CEP164: variants seen among roughly 807,000 people sequenced by gnomAD.
CEP164 encodes the protein centrosomal protein of 164 kDa.
Under a neutral mutation model 182.7 loss-of-function variants are expected in CEP164, and 162 were observed. The observed-to-expected ratio is 0.89, with a 90% CI of 0.78 to 1.01. The LOEUF is 1.01. CEP164 is among the 50% of genes least tolerant of loss of function. The pLI is 0.00. For synonymous variants in CEP164, 661 were observed against 690.0 expected (o/e 0.96, Z 0.66); for missense variants, 1,735 against 1,790.4 (o/e 0.97, Z 0.56).
chr11:117,412,956 A>G lies in CEP164; in HGVS notation c.*788A>G, dbSNP rs2047496813. 1 of 152,208 alleles carries G rather than the reference A, an allele frequency of 6.6e-6. No individual in the cohort carries two copies. Among genetic ancestry groups the G allele is most frequent in the Non-Finnish European group, 1.5e-5 (1 of 68,050 alleles). The allele number at this position is 152,208 out of a possible 1,614,324, so 9.4% of individuals were successfully genotyped here. ...AAGACTGGGTTGGCTTCTGGTCCTC[A>G]TGATGGCTTTTATCCTCCTGGGACA... On this transcript the variant is annotated 3_prime_UTR_variant, in exon 33 of 33. Transcript: ENST00000278935.
intron 27 of CEP164, among the ~76,000 whole-genome samples, chr11:117,397,959 T>C (rs1428916439): frequency 6.6e-6 from 1 of 152,122 alleles, no homozygotes; most frequent in Non-Finnish European, 1.5e-5. Context: ...CTTAACTCAT[T>C]TCAGCATTAA....
intron 27 of CEP164, among the ~76,000 whole-genome samples, chr11:117,405,024 C>T (rs1592472544): frequency 6.6e-6 from 1 of 152,132 alleles, no homozygotes; most frequent in East Asian, 1.9e-4. Flanking sequence ...CTCGGGCATC[C>T]CAGGTCTACT....
rs201189268 is a variant in CEP164 at position 117,363,437 on chromosome 11, C to T, written c.696C>T (p.His232=). 277 of 1,613,362 alleles carry T rather than the reference C, an allele frequency of 1.7e-4. No homozygotes were observed. Among genetic ancestry groups the T allele is most frequent in the Non-Finnish European group, 2.2e-4 (261 of 1,179,420 alleles). ...DEEESDNQSV[H]SSSEPLRNLH... ...ATCATTTTTGTTTCTAGAGTGTCCA[C>T]AGCTCAAGTGAGCCTCTTAGGAACC... The change falls in exon 8 of 33, where the codon CAC becomes CAT. Residue 232 remains histidine (H), a synonymous_variant. Transcript: ENST00000278935.
chr11:117,352,140 C>T (rs2039717551), intron 5 of CEP164, 152 bp downstream of exon 5: 1 of 692,768 alleles, frequency 1.4e-6, no homozygotes, highest in African/African-American at 1.8e-5. Flanking sequence ...TGCCTGTCTT[C>T]TGGTTGATTT....
Position 117,396,092 on chromosome 11 carries a change from T to TG in CEP164, c.3129dup (p.Arg1044GlufsTer6). 1 of 1,613,926 alleles carries TG rather than the reference T, an allele frequency of 6.2e-7. No individual in the cohort carries two copies. Among genetic ancestry groups the TG allele is most frequent in the Non-Finnish European group, 8.5e-7 (1 of 1,179,872 alleles). On this transcript the variant is annotated frameshift_variant, in exon 25 of 33. Coordinates refer to ENST00000278935, the MANE Select transcript of CEP164 (RefSeq NM_014956.5). LOFTEE classifies it high-confidence loss of function. The stretch of plus-strand genomic sequence containing the variant: ...GAAGCTCAAAAGAAGCAGCACCTGT[T>TG]GAGAGAAGTGACAGTTGAGGAAAAT...
In CEP164 at chr11:117,338,556, T is replaced by A. The variant is rs759861890; in HGVS notation, c.-21-10T>A. On this transcript the variant is annotated splice_polypyrimidine_tract_variant and intron_variant, in intron 2 of 32. Coordinates refer to ENST00000278935, the MANE Select transcript of CEP164 (RefSeq NM_014956.5). ...ATTTTTCTCTTTTGGTGGGGGCCTC[T>A]GGGATCTAGGTGTTTGAGCCCAGAT... is the stretch of plus-strand genomic sequence containing the variant. 1 of 1,597,684 alleles carries A rather than the reference T, an allele frequency of 6.3e-7. No homozygotes were observed. Among genetic ancestry groups the A allele is most frequent in the East Asian group, 2.2e-5 (1 of 44,810 alleles).
chr11:117,407,138 A>G (rs1233025174), intron 27 of CEP164, among the ~76,000 whole-genome samples: 2 of 152,032 alleles, frequency 1.3e-5, no homozygotes, highest in Admixed American at 1.3e-4. Flanking sequence ...GGTGTTCAGA[A>G]CTGGTAAGGG....
chr11:117,351,738 TCTTC>T, intron 4 of CEP164, 48 bp from the exon 5 acceptor site: 6 of 1,500,864 alleles, frequency 4.0e-6, no homozygotes, highest in African/African-American at 1.4e-5. Flanking sequence ...CTTTTTTTTT[TCTTC>T]TTTTGTATCT....
intron 1 of CEP164, among the ~76,000 whole-genome samples, chr11:117,334,186 C>A (rs978704144): frequency 1.3e-5 from 2 of 152,178 alleles, no homozygotes; most frequent in African/African-American, 4.8e-5. Flanking sequence ...ATCTCTAGCG[C>A]CTAGAAATAA....
chr11:117,340,447 C>T (rs1217726480), intron 3 of CEP164, among the ~76,000 whole-genome samples: 2 of 152,226 alleles, frequency 1.3e-5, no homozygotes, highest in Non-Finnish European at 2.9e-5. Context: ...GACTTGAGAG[C>T]AGGGTTCACA....
intron 3 of CEP164, among the ~76,000 whole-genome samples, chr11:117,340,111 C>G (rs375852828): frequency 6.6e-6 from 1 of 152,030 alleles, no homozygotes; most frequent in Non-Finnish European, 1.5e-5. Context: ...CTGCAACCTC[C>G]GCCTCCCAGG....
intron 1 of CEP164, among the ~76,000 whole-genome samples, chr11:117,333,995 G>A (rs537993717): frequency 2.0e-5 from 3 of 152,252 alleles, no homozygotes; most frequent in African/African-American, 4.8e-5. Flanking sequence ...TCTTTGTCTA[G>A]TGAATACCTA....
chr11:117,365,548 TTTC>T (rs1364086056), intron 8 of CEP164, among the ~76,000 whole-genome samples: 8 of 151,958 alleles, frequency 5.3e-5, no homozygotes, highest in African/African-American at 1.9e-4. Flanking sequence ...AAAAAGGCTT[TTTC>T]TTCTTTGAAA....
At position 117,394,363 on chromosome 11, in the gene CEP164, G is replaced by C. The variant is rs756048473; in HGVS notation, c.2630G>C (p.Arg877Pro). The change falls in exon 21 of 33, where the codon CGG (arginine) becomes CCG (proline). Residue 877 changes from arginine (R) to proline (P), a missense_variant. By Grantham distance (103) the Arg-to-Pro change is moderately radical. Coordinates refer to ENST00000278935, the MANE Select transcript of CEP164 (RefSeq NM_014956.5). The surrounding 1 kb of genome is among the most constrained non-coding windows in gnomAD (Gnocchi z 4.0). ...EQYEAEERKQ[R>P]AELLGHLTGE... is the part of the protein sequence containing the mutation. Reference sequence around the variant, plus strand: ...CCCTCCTTGCAGGAGAGGAAGCAGCGGGCTGAGCTTCTGGGGCACCTGACC... The same window carrying C: ...CCCTCCTTGCAGGAGAGGAAGCAGCCGGCTGAGCTTCTGGGGCACCTGACC... The C allele has an allele frequency of 2.5e-6, 4 of 1,602,914 alleles. No homozygotes were observed. In the Admixed American group the frequency reaches 5.2e-5, roughly 21 times the overall value.
intron 2 of CEP164, 87 bp downstream of exon 2, chr11:117,335,767 G>A (rs572063841): frequency 6.6e-4 from 106 of 160,364 alleles, no homozygotes; most frequent in African/African-American, 2.4e-3. Context: ...CCAACAAAAG[G>A]CCTGCTGGGG....
intron 11 of CEP164, among the ~76,000 whole-genome samples, chr11:117,376,642 G>A (rs1249893436): frequency 1.3e-5 from 2 of 152,194 alleles, no homozygotes; most frequent in East Asian, 3.8e-4. Context: ...CAGCCTTGGA[G>A]CCTTTAGTGA....
chr11:117,411,999 C>T lies in CEP164; in HGVS notation c.4287-73C>T, dbSNP rs149055494. On this transcript the variant is annotated intron_variant, in intron 32 of 32. Coordinates refer to ENST00000278935, the MANE Select transcript of CEP164 (RefSeq NM_014956.5). The surrounding 1 kb of genome is among the most constrained non-coding windows in gnomAD (Gnocchi z 4.4). ...CTGAGGGGCTGAGGAGGATCCTGTT[C>T]AGCCTTTGACCCTTTCATGGCCCCT... 1.2e-3 allele frequency: 2,002 copies of T among 1,610,604 alleles called. 5 individuals are homozygous for T. Among genetic ancestry groups the T allele is most frequent in the Non-Finnish European group, 1.5e-3 (1,736 of 1,178,050 alleles).
intron 1 of CEP164, among the ~76,000 whole-genome samples, chr11:117,328,512 A>G (rs1478674045): frequency 1.3e-5 from 2 of 152,006 alleles, no homozygotes; most frequent in African/African-American, 2.4e-5. Context: ...CGTTCTCCTA[A>G]CTCAGTCCTT....
chr11:117,354,657 A>G (rs1403552108), intron 5 of CEP164, among the ~76,000 whole-genome samples: 2 of 151,908 alleles, frequency 1.3e-5, no homozygotes, highest in Non-Finnish European at 2.9e-5. Context: ...AGAAAACAAC[A>G]TATTTTCAGC....
Sources: allele counts gnomAD v4.1 joint callset (sites outside exome capture counted in the v4.1 genomes callset), GRCh38; gene constraint gnomAD v4.1.1; non-coding constraint Gnocchi (gnomAD v3.1); transcripts MANE v1.5; gene names NCBI Gene and HGNC (gene_info 2026-07-23, HGNC 2026-07-21).